The following ITCH variants were observed in gnomAD, a reference collection of about 807,000 sequenced individuals.
The protein encoded by ITCH is E3 ubiquitin-protein ligase Itchy homolog.
ITCH carries 28 observed loss-of-function variants against 126.8 expected under a neutral mutation model. The ratio of observed to expected loss-of-function variants is 0.22; its 90% CI spans 0.16 to 0.30. ITCH has a LOEUF of 0.30. ITCH is among the 10% of genes least tolerant of loss of function. The pLI is 1.00. For missense variants in ITCH, 631 were observed against 1,032.4 expected (o/e 0.61, Z 5.33); for synonymous variants, 342 against 340.0 (o/e 1.01, Z -0.06).
chr20:34,492,404 A>G (rs1989578370), intron 22 of ITCH, 97 bp from the exon 23 acceptor site: 1 of 864,566 alleles, frequency 1.2e-6, no homozygotes, highest in Non-Finnish European at 1.8e-6. Context: ...TCACCTCTAA[A>G]AAAAATAAAA....
Position 34,472,149 on chromosome 20 carries a change from G to T in ITCH, c.1569+634G>T, listed in dbSNP as rs564868487. On this transcript the variant is annotated intron_variant, in intron 16 of 24. Transcript: ENST00000374864. ...CCAGCACTTTGGGAGGCTGAGGCGG[G>T]TACATCACCTGAGGTCAGGAGTTTG... Among the ~76,000 whole-genome samples the T allele has an allele frequency of 1.4e-4, 22 of 152,160 alleles. 1 individual carries two copies. The South Asian group carries it at 4.6e-3, about 32-fold the overall frequency.
intron 11 of ITCH, among the ~76,000 whole-genome samples, chr20:34,448,399 A>C (rs1322088591): frequency 1.3e-5 from 2 of 152,178 alleles, no homozygotes; most frequent in African/African-American, 4.8e-5. Flanking sequence ...TCTCAAAAAA[A>C]AAAAGAAAAG....
intron 10 of ITCH, among the ~76,000 whole-genome samples, chr20:34,443,855 A>G (rs1273634807): frequency 1.3e-5 from 2 of 152,086 alleles, no homozygotes; most frequent in East Asian, 3.9e-4. Flanking sequence ...GCATGGTGGC[A>G]TGTACCTGTA....
At chr20:34,493,196 A>T (rs1192456830) in intron 23 of ITCH, among the ~76,000 whole-genome samples, 1 of 152,252 alleles carries the variant, frequency 6.6e-6, no homozygotes, top group Non-Finnish European at 1.5e-5. Context: ...TCATAGGAGG[A>T]TACACAGAGA....
At chr20:34,436,108 TAG>T (rs1312569466) in intron 7 of ITCH, among the ~76,000 whole-genome samples, 2 of 152,200 alleles carry the variant, frequency 1.3e-5, no homozygotes, top group Admixed American at 6.5e-5. Context: ...CAACAAATCA[TAG>T]CATTTTTGGA....
At chr20:34,476,296 C>T (rs1393890136) in intron 16 of ITCH, 11 of 907,362 alleles carry the variant, frequency 1.2e-5, no homozygotes, top group Admixed American at 5.3e-5. Context: ...TGAGCTGCTC[C>T]GCGCCCCTGC....
At chr20:34,468,901 A>G (rs1012721704) in intron 14 of ITCH, among the ~76,000 whole-genome samples, 1 of 152,220 alleles carries the variant, frequency 6.6e-6, no homozygotes, top group Non-Finnish European at 1.5e-5. Flanking sequence ...ACAGAAAATC[A>G]TGAAGAATCT....
chr20:34,425,737 C>A (rs1347954517), intron 7 of ITCH, among the ~76,000 whole-genome samples: 1 of 152,160 alleles, frequency 6.6e-6, no homozygotes, highest in Non-Finnish European at 1.5e-5. Flanking sequence ...TCACATTTTT[C>A]CCTGCTGACC....
At chr20:34,452,069 CA>C (rs765697780) in intron 12 of ITCH, among the ~76,000 whole-genome samples, 878 of 53,310 alleles carry the variant, frequency 0.016, 4 homozygotes, top group African/African-American at 0.032. Context: ...GACCCTGTCT[CA>C]AAAAAAAAAA....
At chr20:34,467,538 G>GA (rs1181842133) in intron 14 of ITCH, among the ~76,000 whole-genome samples, 2 of 147,548 alleles carry the variant, frequency 1.4e-5, no homozygotes, top group African/African-American at 2.5e-5. Context: ...AAAAAAAAAA[G>GA]AAAAAAAAGA....
intron 14 of ITCH, among the ~76,000 whole-genome samples, chr20:34,469,188 T>G (rs1263416645): frequency 6.6e-6 from 1 of 151,758 alleles, no homozygotes; most frequent in Non-Finnish European, 1.5e-5. Flanking sequence ...AGGGTCACAC[T>G]CCAGGCTGGA....
At chr20:34,505,324 G>C (rs1327595166) in intron 24 of ITCH, among the ~76,000 whole-genome samples, 1 of 152,090 alleles carries the variant, frequency 6.6e-6, no homozygotes, top group African/African-American at 2.4e-5. Context: ...GATTACAGGT[G>C]TGAGCTGCCG....
intron 8 of ITCH, 29 bp from the exon 9 acceptor site, chr20:34,440,126 T>G (rs1568942317): frequency 6.6e-7 from 1 of 1,508,672 alleles, no homozygotes; most frequent in Non-Finnish European, 9.2e-7. Flanking sequence ...TGAAAGATTC[T>G]TTTCCTATTT....
At chr20:34,416,390 C>G (rs1272664754) in intron 6 of ITCH, among the ~76,000 whole-genome samples, 1 of 152,186 alleles carries the variant, frequency 6.6e-6, no homozygotes, top group African/African-American at 2.4e-5. Context: ...AAGAGCGAAA[C>G]TGGGTCTCAA....
intron 23 of ITCH, among the ~76,000 whole-genome samples, chr20:34,495,325 A>G (rs1345709532): frequency 2.7e-4 from 40 of 148,854 alleles, no homozygotes; most frequent in African/African-American, 9.1e-4. Flanking sequence ...ATACACACGC[A>G]CACACACACA....
At chr20:34,447,970 G>A (rs1984671573) in intron 11 of ITCH, among the ~76,000 whole-genome samples, 1 of 152,184 alleles carries the variant, frequency 6.6e-6, no homozygotes, top group African/African-American at 2.4e-5. Flanking sequence ...CAAATGTAAC[G>A]TAAGGACTTT....
chr20:34,377,558 G>C (rs990731934), intron 2 of ITCH, among the ~76,000 whole-genome samples: 2 of 151,800 alleles, frequency 1.3e-5, no homozygotes, highest in African/African-American at 4.8e-5. Flanking sequence ...GAATTTTCTT[G>C]CAGAAACTTG....
At chr20:34,441,794 C>T (rs552138895) in intron 9 of ITCH, 12 of 210,758 alleles carry the variant, frequency 5.7e-5, no homozygotes, top group African/African-American at 2.5e-4. Context: ...CCATGTTGGC[C>T]AGGCTGGTCT....
chr20:34,426,664 T>C (rs1981568749), intron 7 of ITCH, among the ~76,000 whole-genome samples: 1 of 152,170 alleles, frequency 6.6e-6, no homozygotes, highest in African/African-American at 2.4e-5. Flanking sequence ...TTGGCCAGGC[T>C]GGTCTTGAAC....
Sources: gnomAD v4.1 joint callset for allele counts (sites outside exome capture counted in the v4.1 genomes callset) on GRCh38, gnomAD v4.1.1 for gene constraint, MANE v1.5 for transcripts, NCBI Gene and HGNC (gene_info 2026-07-23, HGNC 2026-07-21) for gene names.